The following DTNA variants were observed in gnomAD, a reference collection of about 807,000 sequenced individuals.
The protein encoded by DTNA is dystrobrevin alpha.
In DTNA, 43 loss-of-function variants were observed where a neutral mutation model predicts 100.7. That is an observed-to-expected ratio of 0.43 (90% CI 0.33 to 0.55). DTNA has a LOEUF of 0.55. DTNA is among the 20% of genes least tolerant of loss of function. The pLI, the probability that DTNA is intolerant of heterozygous loss-of-function variation, is 0.04. For synonymous variants in DTNA, 349 were observed against 347.9 expected (o/e 1.00, Z -0.04); for missense variants, 798 against 953.9 (o/e 0.84, Z 2.15).
chr18:34,582,706 A>T (rs1567950884), intron 1 of DTNA, among the ~76,000 whole-genome samples: 1 of 152,198 alleles, frequency 6.6e-6, no homozygotes, highest in Non-Finnish European at 1.5e-5. Context: ...TTGAATGTAT[A>T]TATCTCTCTA....
intron 17 of DTNA, among the ~76,000 whole-genome samples, 186 bp downstream of exon 17, chr18:34,864,248 CTTTTTTT>C (rs555273655): frequency 7.8e-6 from 1 of 127,420 alleles, no homozygotes; most frequent in Non-Finnish European, 1.6e-5. Flanking sequence ...AGAACACATT[CTTTTTTT>C]TTTTTTTTTT....
chr18:34,515,847 T>C (rs1245135253), intron 1 of DTNA, among the ~76,000 whole-genome samples: 2 of 152,120 alleles, frequency 1.3e-5, no homozygotes, highest in African/African-American at 4.8e-5. Context: ...TCCTCTACTT[T>C]TGTCTTAGGA....
intron 1 of DTNA, among the ~76,000 whole-genome samples, chr18:34,728,641 T>G (rs2087325577): frequency 6.6e-6 from 1 of 152,242 alleles, no homozygotes; most frequent in African/African-American, 2.4e-5. Context: ...CAGACTCATT[T>G]AGATCCAGAG....
chr18:34,628,971 A>G (rs1352630119), intron 1 of DTNA, among the ~76,000 whole-genome samples: 2 of 152,190 alleles, frequency 1.3e-5, no homozygotes, highest in African/African-American at 4.8e-5. Context: ...AAATGATATT[A>G]TCTCAATCTA....
intron 1 of DTNA, among the ~76,000 whole-genome samples, chr18:34,698,210 G>A (rs906864806): frequency 1.3e-5 from 2 of 152,312 alleles, no homozygotes; most frequent in African/African-American, 2.4e-5. Context: ...TTTTGTGAGT[G>A]AAGAGACTTT....
In DTNA at chr18:34,729,091, A is replaced by G. The variant is rs181331297; in HGVS notation, c.-2+18646A>G. Among the ~76,000 whole-genome samples, 125 of 152,336 alleles carry G rather than the reference A, an allele frequency of 8.2e-4. 1 individual carries two copies. The highest frequency in any genetic ancestry group is 2.8e-3 in the African/African-American group (115 of 41,574). The stretch of plus-strand genomic sequence containing the variant: ...AAAAAGAGGAAAGGGAATATTGAAA[A>G]GAGAGTATGATGTCAATGTCAATGG... On this transcript the variant is annotated intron_variant, in intron 1 of 22. Transcript: ENST00000444659.
intron 10 of DTNA, among the ~76,000 whole-genome samples, chr18:34,828,441 T>A (rs1210624749): frequency 6.6e-6 from 1 of 152,220 alleles, no homozygotes; most frequent in East Asian, 1.9e-4. Context: ...GAACATAAGA[T>A]TTCAAATGCC....
At chr18:34,858,169 C>T in intron 15 of DTNA, 116 bp from the exon 16 acceptor site, 3 of 941,490 alleles carry the variant, frequency 3.2e-6, no homozygotes, top group Non-Finnish European at 5.0e-6. Context: ...GTCGGTTCTG[C>T]TCCTAAACAT....
chr18:34,586,396 G>A (rs981305350), intron 1 of DTNA, among the ~76,000 whole-genome samples: 1 of 150,166 alleles, frequency 6.7e-6, no homozygotes, highest in African/African-American at 2.5e-5. Context: ...CTGTCTTGTC[G>A]GGTTTTTTTT....
intron 17 of DTNA, chr18:34,868,141 T>C (rs1488343018): frequency 1.9e-6 from 1 of 514,576 alleles, no homozygotes; most frequent in Non-Finnish European, 2.5e-6. Context: ...CTCTGCATGT[T>C]CTGGCAATGA....
rs139099128 is a variant in DTNA, at chr18:34,763,011, G to C, written c.68-2950G>C. ...TCAGAGGAAAGTGCAGAGGTGCCAG[G>C]GTTACTGTGCTCAGAGGGTAAGGTC... On this transcript the variant is annotated intron_variant, in intron 2 of 22. Transcript: ENST00000444659. Among the ~76,000 whole-genome samples, 36 of 152,214 alleles carry C rather than the reference G, an allele frequency of 2.4e-4. No individual in the cohort carries two copies. In the East Asian group the frequency reaches 6.8e-3, roughly 29 times the overall value.
intron 9 of DTNA, chr18:34,825,132 T>C (rs2095830127): frequency 2.5e-6 from 3 of 1,201,340 alleles, no homozygotes; most frequent in East Asian, 2.3e-5. Context: ...CTGCCAGTCA[T>C]GAATTAGTCC....
At chr18:34,572,295 T>A (rs955383373) in intron 1 of DTNA, among the ~76,000 whole-genome samples, 2 of 152,168 alleles carry the variant, frequency 1.3e-5, no homozygotes, top group Non-Finnish European at 2.9e-5. Context: ...TCTCAGACTT[T>A]CCACTGTTGT....
chr18:34,839,296 C>A (rs946017637), intron 13 of DTNA, among the ~76,000 whole-genome samples: 20 of 152,296 alleles, frequency 1.3e-4, no homozygotes, highest in East Asian at 5.8e-4. Flanking sequence ...GAAATCATTT[C>A]TTTAACAATG....
chr18:34,795,742 T>C (rs890085575), intron 4 of DTNA, among the ~76,000 whole-genome samples: 2 of 152,122 alleles, frequency 1.3e-5, no homozygotes, highest in African/African-American at 4.8e-5. Context: ...TCATAAAGAA[T>C]CAAAGCCAAA....
intron 4 of DTNA, among the ~76,000 whole-genome samples, chr18:34,797,807 T>C (rs1406022061): frequency 6.6e-6 from 1 of 152,196 alleles, no homozygotes. Flanking sequence ...CCACCTCTCC[T>C]TGCACCTGAT....
chr18:34,866,966 G>C, intron 17 of DTNA: 1 of 1,159,872 alleles, frequency 8.6e-7, no homozygotes, highest in Non-Finnish European at 1.0e-6. Flanking sequence ...AGCCAGCAGG[G>C]GGAGCAGCAA....
intron 1 of DTNA, among the ~76,000 whole-genome samples, chr18:34,502,114 C>A (rs756278578): frequency 3.3e-5 from 5 of 152,150 alleles, no homozygotes; most frequent in Non-Finnish European, 5.9e-5. Flanking sequence ...TAAGTTGATT[C>A]AGGAATTGTT....
At chr18:34,830,470 A>G (rs1214913693) in intron 11 of DTNA, among the ~76,000 whole-genome samples, 2 of 152,212 alleles carry the variant, frequency 1.3e-5, no homozygotes, top group African/African-American at 4.8e-5. Flanking sequence ...ACAGGGATAT[A>G]ACTTTGAAGT....
Sources: allele counts gnomAD v4.1 joint callset (sites outside exome capture counted in the v4.1 genomes callset), GRCh38; gene constraint gnomAD v4.1.1; transcripts MANE v1.5; gene names NCBI Gene and HGNC (gene_info 2026-07-23, HGNC 2026-07-21).